Variants in NWD2 observed in about 807,000 individuals in gnomAD.
NWD2 encodes NACHT and WD repeat domain containing 2.
In NWD2, 37 loss-of-function variants were observed where a neutral mutation model predicts 132.7. The observed-to-expected ratio is 0.28, with a 90% CI of 0.21 to 0.37. The LOEUF (loss-of-function observed/expected upper bound fraction) is 0.37. NWD2 is among the 10% of genes least tolerant of loss of function. NWD2 has a pLI of 1.00. For missense variants in NWD2, 1,592 were observed against 2,122.4 expected, an observed-to-expected ratio of 0.75 and a Z score of 4.91; for synonymous variants, 705 against 803.0, an observed-to-expected ratio of 0.88 and a Z score of 2.06.
chr4:37,352,183 T>C (rs1719781938), intron 2 of NWD2, among the ~76,000 whole-genome samples: 1 of 152,332 alleles, frequency 6.6e-6, no homozygotes, highest in Admixed American at 6.5e-5. Context: ...GTTCTGTAGG[T>C]GTCTATTAAG....
At position 37,304,247 on chromosome 4, in the gene NWD2, G is replaced by A. The variant is rs543367078; in HGVS notation, c.152-21689G>A. ...CAACCAAATCTCATGAGAACAGCAAGGGGGAAGTTTGCCCCCATTATTCAA... is the reference window on the plus strand; with the variant it reads ...CAACCAAATCTCATGAGAACAGCAAAGGGGAAGTTTGCCCCCATTATTCAA... On this transcript the variant is annotated intron_variant, in intron 1 of 6. Coordinates refer to ENST00000309447, the MANE Select transcript of NWD2 (RefSeq NM_001144990.2). 2.0e-5 allele frequency among the ~76,000 whole-genome samples: 3 copies of A among 152,246 alleles called. No homozygotes were observed. In the South Asian group the frequency reaches 6.2e-4, roughly 32 times the overall value.
intron 1 of NWD2, among the ~76,000 whole-genome samples, chr4:37,306,447 G>A (rs1051550951): frequency 4.6e-5 from 7 of 151,930 alleles, no homozygotes; most frequent in African/African-American, 1.5e-4. Flanking sequence ...TTTGATGTAG[G>A]CATTTATTGC....
intron 3 of NWD2, among the ~76,000 whole-genome samples, chr4:37,427,146 A>G (rs16993544): frequency 0.052 from 7,821 of 151,848 alleles, 499 homozygotes; most frequent in African/African-American, 0.16. Flanking sequence ...TCCTCCACCA[A>G]TGACCAAACT....
At chr4:37,342,871 G>A (rs1322194703) in intron 2 of NWD2, among the ~76,000 whole-genome samples, 1 of 152,178 alleles carries the variant, frequency 6.6e-6, no homozygotes, top group Non-Finnish European at 1.5e-5. Context: ...TAGTGATCGT[G>A]TATGACACCA....
intron 1 of NWD2, among the ~76,000 whole-genome samples, chr4:37,298,835 A>T (rs1010919529): frequency 6.6e-6 from 1 of 152,170 alleles, no homozygotes; most frequent in Non-Finnish European, 1.5e-5. Context: ...TATGATGATG[A>T]TGAGAGTGGT....
intron 1 of NWD2, among the ~76,000 whole-genome samples, chr4:37,301,124 C>T (rs1288945338): frequency 6.6e-6 from 1 of 152,080 alleles, no homozygotes; most frequent in Non-Finnish European, 1.5e-5. Context: ...GGATTTTTCT[C>T]TCAGCATTAT....
chr4:37,318,597 TC>T (rs1458315200), intron 1 of NWD2, among the ~76,000 whole-genome samples: 2 of 151,876 alleles, frequency 1.3e-5, no homozygotes, highest in Admixed American at 1.3e-4. Context: ...CCTCCCTACC[TC>T]CCCCACAGAA....
chr4:37,375,360 T>A (rs947834749), intron 3 of NWD2, among the ~76,000 whole-genome samples: 3 of 152,332 alleles, frequency 2.0e-5, no homozygotes. Flanking sequence ...TTAACTAATA[T>A]TTTAAATATG....
At chr4:37,437,611 A>C (rs1046488459) in intron 5 of NWD2, among the ~76,000 whole-genome samples, 1 of 152,180 alleles carries the variant, frequency 6.6e-6, no homozygotes, top group East Asian at 1.9e-4. Flanking sequence ...GAGCAATTAC[A>C]TGAAGGAAAG....
chr4:37,306,400 A>G (rs1041008914), intron 1 of NWD2, among the ~76,000 whole-genome samples: 3 of 151,992 alleles, frequency 2.0e-5, no homozygotes, highest in Non-Finnish European at 4.4e-5. Context: ...AGCTTGAGGC[A>G]CAACATGAGG....
At chr4:37,368,500 C>T (rs557991356) in intron 3 of NWD2, among the ~76,000 whole-genome samples, 256 of 152,164 alleles carry the variant, frequency 1.7e-3, no homozygotes, top group Non-Finnish European at 6.0e-4. Flanking sequence ...TCTTAAGCAC[C>T]CACTTAAACA....
intron 1 of NWD2, among the ~76,000 whole-genome samples, chr4:37,279,931 G>A (rs1199107080): frequency 1.1e-4 from 16 of 152,320 alleles, no homozygotes; most frequent in African/African-American, 3.6e-4. Flanking sequence ...ATTGACAAGA[G>A]TGAGGGGAAA....
At chr4:37,281,299 C>T (rs2109268195) in intron 1 of NWD2, among the ~76,000 whole-genome samples, 1 of 152,252 alleles carries the variant, frequency 6.6e-6, no homozygotes, top group East Asian at 1.9e-4. Flanking sequence ...TCTTTTGAAC[C>T]ACGCAAAGTG....
intron 1 of NWD2, among the ~76,000 whole-genome samples, chr4:37,309,465 T>C (rs533026455): frequency 4.1e-4 from 62 of 152,092 alleles, no homozygotes; most frequent in African/African-American, 1.4e-3. Context: ...GCCTTCTGGA[T>C]TGGATAATGA....
chr4:37,248,460 C>A (rs1441901916), intron 1 of NWD2, among the ~76,000 whole-genome samples: 2 of 152,178 alleles, frequency 1.3e-5, no homozygotes, highest in Non-Finnish European at 2.9e-5. Flanking sequence ...AGCATTATCC[C>A]AGATTTTTTT....
At chr4:37,272,303 A>T (rs1263938697) in intron 1 of NWD2, among the ~76,000 whole-genome samples, 1 of 151,746 alleles carries the variant, frequency 6.6e-6, no homozygotes, top group African/African-American at 2.4e-5. Context: ...CCAGAGCCTC[A>T]TACAATGAGT....
chr4:37,429,991 G>A (rs1217641382), intron 3 of NWD2, among the ~76,000 whole-genome samples: 1 of 152,070 alleles, frequency 6.6e-6, no homozygotes, highest in Non-Finnish European at 1.5e-5. Context: ...GTACATATTT[G>A]TTCATTGTTT....
chr4:37,424,312 A>T (rs188647706), intron 3 of NWD2, among the ~76,000 whole-genome samples: 104 of 152,292 alleles, frequency 6.8e-4, no homozygotes, highest in Admixed American at 2.4e-3. Context: ...CAATAACTTG[A>T]TGAAGTAGAA....
intron 2 of NWD2, among the ~76,000 whole-genome samples, chr4:37,348,652 A>ATG (rs1442306083): frequency 2.0e-5 from 1 of 50,508 alleles, no homozygotes; most frequent in Non-Finnish European, 4.2e-5. Flanking sequence ...ATATATATAT[A>ATG]TATATATATA....
Sources: allele counts gnomAD v4.1 joint callset (sites outside exome capture counted in the v4.1 genomes callset), GRCh38; gene constraint gnomAD v4.1.1; transcripts MANE v1.5; gene names NCBI Gene and HGNC (gene_info 2026-07-23, HGNC 2026-07-21).